The following RPS6KA2 variants were observed in gnomAD, a reference collection of about 807,000 sequenced individuals.
The protein encoded by RPS6KA2 is ribosomal protein S6 kinase A2, also known as ribosomal protein S6 kinase alpha-2.
RPS6KA2 carries 42 observed loss-of-function variants against 91.8 expected under a neutral mutation model. The observed-to-expected ratio is 0.46, with a 90% CI of 0.36 to 0.59. The LOEUF (loss-of-function observed/expected upper bound fraction) is 0.59. Ranked by LOEUF, RPS6KA2 falls within the 20% of genes least tolerant of loss-of-function variation. The pLI is 0.00. For missense variants in RPS6KA2, 798 were observed against 978.5 expected (o/e 0.82, Z 2.46); for synonymous variants, 414 against 393.6 (o/e 1.05, Z -0.61).
At chr6:166,678,984 T>C (rs1788699883) in intron 2 of RPS6KA2, among the ~76,000 whole-genome samples, 1 of 152,216 alleles carries the variant, frequency 6.6e-6, no homozygotes, top group African/African-American at 2.4e-5. Context: ...CATTAGTAGA[T>C]AAAACCGTAT....
chr6:166,567,116 A>C (rs919709203), intron 1 of RPS6KA2, among the ~76,000 whole-genome samples: 2 of 152,244 alleles, frequency 1.3e-5, no homozygotes, highest in African/African-American at 4.8e-5. Flanking sequence ...AGACATCACA[A>C]ACACAGAGGC....
chr6:166,538,940 C>T (rs527873519), intron 1 of RPS6KA2, among the ~76,000 whole-genome samples, 156 bp from the exon 2 acceptor site: 2,611 of 148,868 alleles, frequency 0.018, 67 homozygotes, highest in African/African-American at 0.06. Context: ...GTGTTTTTTT[C>T]TTTTTTTTTT....
At chr6:166,803,846 A>G (rs1226801403) in intron 2 of RPS6KA2, among the ~76,000 whole-genome samples, 1 of 152,252 alleles carries the variant, frequency 6.6e-6, no homozygotes, top group South Asian at 2.1e-4. Context: ...TTCATTCTAA[A>G]ATGGAAATCC....
chr6:166,773,641 C>G (rs9459742), intron 2 of RPS6KA2, among the ~76,000 whole-genome samples: 4,823 of 152,300 alleles, frequency 0.032, 265 homozygotes, highest in African/African-American at 0.11. Flanking sequence ...CTCAGGTGAT[C>G]TGCCTGCTTT....
At chr6:166,542,366 T>C (rs1440137696) in intron 1 of RPS6KA2, 1 of 152,254 alleles carries the variant, frequency 6.6e-6, no homozygotes, top group Non-Finnish European at 1.5e-5. Context: ...TTGCATGCAA[T>C]GCCTTAGGAA....
chr6:166,674,358 A>G (rs999821242), intron 2 of RPS6KA2, among the ~76,000 whole-genome samples: 1 of 152,160 alleles, frequency 6.6e-6, no homozygotes, highest in Non-Finnish European at 1.5e-5. Context: ...GGACACAGGC[A>G]TGTTAGAGGC....
At chr6:166,614,710 C>T (rs1451977037) in intron 1 of RPS6KA2, among the ~76,000 whole-genome samples, 1 of 152,200 alleles carries the variant, frequency 6.6e-6, no homozygotes, top group African/African-American at 2.4e-5. Flanking sequence ...CCGGTGACTC[C>T]ATGTCCAGCC....
In RPS6KA2 at chr6:166,662,941, C is replaced by T. The variant is rs779387230; in HGVS notation, c.124-124157G>A. ...GCCTCTGTGTATGGAGGAACGGCCA[C>T]GCGAGGACAGGGAGGAGGCGCCATC... is the stretch of plus-strand genomic sequence containing the variant. On this transcript the variant is annotated intron_variant, in intron 2 of 21. Coordinates refer to the RPS6KA2 transcript ENST00000503859. The surrounding 1 kb of genome is among the most constrained non-coding windows in gnomAD (Gnocchi z 4.3). 4.6e-5 allele frequency among the ~76,000 whole-genome samples: 7 copies of T among 152,036 alleles called. No individual in the cohort carries two copies. Among genetic ancestry groups the T allele is most frequent in the Admixed American group, 6.5e-5 (1 of 15,268 alleles).
intron 2 of RPS6KA2, among the ~76,000 whole-genome samples, chr6:166,689,256 G>C (rs1433800662): frequency 2.6e-5 from 4 of 152,236 alleles, no homozygotes; most frequent in African/African-American, 9.6e-5. Context: ...CCCAAAAACA[G>C]AACTCGTGTC....
At chr6:166,836,535 A>T (rs1216209855) in intron 2 of RPS6KA2, among the ~76,000 whole-genome samples, 1 of 152,128 alleles carries the variant, frequency 6.6e-6, no homozygotes, top group Non-Finnish European at 1.5e-5. Context: ...CTCATTACAG[A>T]ATACTTCACC....
intron 1 of RPS6KA2, among the ~76,000 whole-genome samples, chr6:166,548,701 A>C (rs1251109363): frequency 2.6e-5 from 4 of 152,274 alleles, no homozygotes; most frequent in Non-Finnish European, 5.9e-5. Flanking sequence ...TGGATCACAG[A>C]CATAAATATA....
At chr6:166,705,993 G>A (rs78134105) in intron 2 of RPS6KA2, among the ~76,000 whole-genome samples, 1 of 152,158 alleles carries the variant, frequency 6.6e-6, no homozygotes, top group African/African-American at 2.4e-5. Flanking sequence ...CTTCCACCAC[G>A]TGAGGACTTG....
At chr6:166,597,894 A>G (rs1236192703) in intron 1 of RPS6KA2, among the ~76,000 whole-genome samples, 1 of 152,082 alleles carries the variant, frequency 6.6e-6, no homozygotes, top group Non-Finnish European at 1.5e-5. Context: ...GCACCGTGCT[A>G]TTGTTGGTTT....
chr6:166,547,614 C>T (rs572716822), intron 1 of RPS6KA2, among the ~76,000 whole-genome samples: 7 of 152,312 alleles, frequency 4.6e-5, no homozygotes, highest in South Asian at 4.1e-4. Flanking sequence ...GAGGCCATTC[C>T]GGCAGGCAGA....
intron 1 of RPS6KA2, among the ~76,000 whole-genome samples, chr6:166,595,859 C>T (rs1480922723): frequency 6.6e-6 from 1 of 152,194 alleles, no homozygotes; most frequent in East Asian, 1.9e-4. Context: ...ATGGGGTTCC[C>T]TCATCAGTCA....
chr6:166,659,554 A>G (rs550901727), intron 2 of RPS6KA2, among the ~76,000 whole-genome samples: 1 of 152,376 alleles, frequency 6.6e-6, no homozygotes, highest in Non-Finnish European at 1.5e-5. Context: ...ATAAATATGC[A>G]TCTTATTGAA....
chr6:166,777,375 C>T (rs1005072029), intron 2 of RPS6KA2, among the ~76,000 whole-genome samples: 1 of 152,136 alleles, frequency 6.6e-6, no homozygotes, highest in Non-Finnish European at 1.5e-5. Flanking sequence ...ATGCCTAAGT[C>T]ACAAACCCAG....
chr6:166,425,131 A>C (rs1778862490), intron 16 of RPS6KA2, among the ~76,000 whole-genome samples: 1 of 152,152 alleles, frequency 6.6e-6, no homozygotes, highest in Non-Finnish European at 1.5e-5. Flanking sequence ...CTCTATAACA[A>C]ATGTTCCTAA....
chr6:166,689,002 C>A (rs1789109575), intron 2 of RPS6KA2, among the ~76,000 whole-genome samples: 1 of 152,246 alleles, frequency 6.6e-6, no homozygotes, highest in Admixed American at 6.5e-5. Flanking sequence ...TCAGGGCTAA[C>A]TTTAATAGCA....
Sources: allele counts gnomAD v4.1 joint callset (sites outside exome capture counted in the v4.1 genomes callset), GRCh38; gene constraint gnomAD v4.1.1; non-coding constraint Gnocchi (gnomAD v3.1); transcripts MANE v1.5; gene names NCBI Gene and HGNC (gene_info 2026-07-23, HGNC 2026-07-21).